PLEKHF2: variants seen among roughly 807,000 people sequenced by gnomAD.
The protein encoded by PLEKHF2 is pleckstrin homology and FYVE domain containing 2.
In PLEKHF2, 4 loss-of-function variants were observed where a neutral mutation model predicts 14.7. The ratio of observed to expected loss-of-function variants is 0.27; its 90% CI spans 0.13 to 0.62. The LOEUF (loss-of-function observed/expected upper bound fraction) is 0.62, where lower values mean the gene tolerates loss of function less well. Ranked by LOEUF, PLEKHF2 falls within the 20% of genes least tolerant of loss-of-function variation. The pLI, the probability that PLEKHF2 is intolerant of heterozygous loss-of-function variation, is 0.85. For missense variants in PLEKHF2, 201 were observed against 307.7 expected, an observed-to-expected ratio of 0.65 and a Z score of 2.60; for synonymous variants, 90 against 103.5, an observed-to-expected ratio of 0.87 and a Z score of 0.79.
intron 1 of PLEKHF2, among the ~76,000 whole-genome samples, chr8:95,147,003 T>G (rs1482550820): frequency 2.0e-5 from 3 of 152,052 alleles, no homozygotes; most frequent in African/African-American, 4.8e-5. Context: ...ATTTAAAAAG[T>G]GTAACTATCT....
intron 1 of PLEKHF2, among the ~76,000 whole-genome samples, chr8:95,136,329 TATATACACACAC>T (rs1167837472): frequency 2.1e-4 from 13 of 63,078 alleles, no homozygotes; most frequent in African/African-American, 7.4e-4. Context: ...GTTTTTATTA[TATATACACACAC>T]ACACACACAC....
chr8:95,145,961 CTGTT>C (rs1319509278), intron 1 of PLEKHF2, among the ~76,000 whole-genome samples: 1 of 152,142 alleles, frequency 6.6e-6, no homozygotes, highest in Non-Finnish European at 1.5e-5. Context: ...TAGTTTATTG[CTGTT>C]TGTTTTTACC....
intron 1 of PLEKHF2, among the ~76,000 whole-genome samples, chr8:95,139,714 C>G (rs143302057): frequency 6.6e-6 from 1 of 151,962 alleles, no homozygotes; most frequent in South Asian, 2.1e-4. Flanking sequence ...TGCCACACCC[C>G]CTCCACCCCC....
rs771184272 is a variant in PLEKHF2, at chr8:95,156,190, A to G, written c.*1396A>G. 5 of 167,086 alleles carry G rather than the reference A, an allele frequency of 3.0e-5. No homozygotes were observed. Among genetic ancestry groups the G allele is most frequent in the Admixed American group, 1.3e-4 (2 of 15,290 alleles). The allele number at this position is 167,086 out of a possible 1,614,324, so 10.4% of individuals were successfully genotyped here. A position where few individuals can be genotyped will look rare whatever the true frequency, so the allele number is the denominator to read the frequency against. The stretch of plus-strand genomic sequence containing the variant: ...TGCAAACAACTACAGTCTTTGAAAT[A>G]TGGAAAATCAGCAGTCTAAAGTTTG... On this transcript the variant is annotated 3_prime_UTR_variant, in exon 2 of 2. Transcript: ENST00000315367.
intron 1 of PLEKHF2, among the ~76,000 whole-genome samples, chr8:95,150,958 A>C (rs1024250786): frequency 2.6e-5 from 4 of 152,144 alleles, no homozygotes; most frequent in Admixed American, 6.6e-5. Flanking sequence ...TGGAGCTAAT[A>C]GTGCATGTAT....
In PLEKHF2 at chr8:95,154,978, A is replaced by T; in HGVS notation, c.*184A>T. ...CCCCCTGCCTTCTCCCACTCCTCAC[A>T]CTCTTCTACAGGGATAGGCTTTTGC... On this transcript the variant is annotated 3_prime_UTR_variant, in exon 2 of 2. Coordinates refer to ENST00000315367, the MANE Select transcript of PLEKHF2 (RefSeq NM_024613.4). This position sits in a 1 kb window ranked among gnomAD's most constrained non-coding sequence, Gnocchi z 5.6. 1 of 648,924 alleles carries T rather than the reference A, an allele frequency of 1.5e-6. No homozygotes were observed. Among genetic ancestry groups the T allele is most frequent in the South Asian group, 2.2e-5 (1 of 46,274 alleles). 40.2% of individuals were successfully genotyped at this position (648,924 alleles called of 1,614,324 possible).
At chr8:95,141,480 C>T (rs1810438429) in intron 1 of PLEKHF2, among the ~76,000 whole-genome samples, 1 of 152,042 alleles carries the variant, frequency 6.6e-6, no homozygotes. Context: ...CCCCCCTTTT[C>T]CCACTAAATA....
intron 1 of PLEKHF2, among the ~76,000 whole-genome samples, chr8:95,139,239 C>T (rs181451788): frequency 6.6e-6 from 1 of 152,114 alleles, no homozygotes; most frequent in Non-Finnish European, 1.5e-5. Context: ...TGCGGTGGCT[C>T]ACACCTGTAA....
chr8:95,145,722 C>T (rs1222909847), intron 1 of PLEKHF2, among the ~76,000 whole-genome samples: 1 of 152,170 alleles, frequency 6.6e-6, no homozygotes, highest in Non-Finnish European at 1.5e-5. Flanking sequence ...CTGCGCCTGG[C>T]CAAGTATTTC....
intron 1 of PLEKHF2, among the ~76,000 whole-genome samples, chr8:95,150,742 A>C (rs182154238): frequency 3.3e-5 from 5 of 152,280 alleles, no homozygotes; most frequent in Admixed American, 6.5e-5. Context: ...CCTTATCTTC[A>C]GTATTTTTAG....
intron 1 of PLEKHF2, among the ~76,000 whole-genome samples, chr8:95,135,850 C>T (rs1336325677): frequency 1.3e-5 from 2 of 152,078 alleles, no homozygotes; most frequent in Non-Finnish European, 2.9e-5. Flanking sequence ...ATCTCGTTTG[C>T]TCTTATCACT....
chr8:95,144,082 G>A (rs948349982), intron 1 of PLEKHF2, among the ~76,000 whole-genome samples: 1 of 151,482 alleles, frequency 6.6e-6, no homozygotes, highest in Non-Finnish European at 1.5e-5. Flanking sequence ...TAATGTTAGT[G>A]TATTTTATGT....
intron 1 of PLEKHF2, among the ~76,000 whole-genome samples, chr8:95,151,787 A>G (rs1319767525): frequency 6.6e-6 from 1 of 152,006 alleles, no homozygotes; most frequent in Non-Finnish European, 1.5e-5. Flanking sequence ...TACTTGTGGA[A>G]TGCTTGAATA....
intron 1 of PLEKHF2, among the ~76,000 whole-genome samples, chr8:95,137,227 C>T (rs1810385322): frequency 2.0e-5 from 3 of 152,184 alleles, no homozygotes. Context: ...GAGGGTCACC[C>T]AAGATTCGAT....
At chr8:95,138,138 T>TA (rs1266033678) in intron 1 of PLEKHF2, among the ~76,000 whole-genome samples, 2 of 152,160 alleles carry the variant, frequency 1.3e-5, no homozygotes, top group Admixed American at 6.5e-5. Context: ...TGGTGATCAT[T>TA]ACATACTTGT....
chr8:95,144,867 GAA>G (rs35770837), intron 1 of PLEKHF2, among the ~76,000 whole-genome samples: 20 of 65,108 alleles, frequency 3.1e-4, no homozygotes, highest in African/African-American at 1.1e-3. Flanking sequence ...TCTGTCTCAA[GAA>G]AAAAAAAAAA....
intron 1 of PLEKHF2, among the ~76,000 whole-genome samples, chr8:95,140,536 C>G (rs1375465282): frequency 6.6e-6 from 1 of 152,228 alleles, no homozygotes; most frequent in Non-Finnish European, 1.5e-5. Context: ...TGTCTCATCC[C>G]TATCTTACCA....
chr8:95,147,938 TTAA>T (rs1347398684), intron 1 of PLEKHF2, among the ~76,000 whole-genome samples: 20 of 152,024 alleles, frequency 1.3e-4, no homozygotes, highest in Admixed American at 3.3e-4. Flanking sequence ...GAAACAACAC[TTAA>T]TAATGATAGT....
Position 95,154,015 on chromosome 8 carries a change from T to C in PLEKHF2, c.-14-16T>C, listed in dbSNP as rs1001807139. 1 of 1,485,936 alleles carries C rather than the reference T, an allele frequency of 6.7e-7. No individual in the cohort carries two copies. The highest frequency in any genetic ancestry group is 1.5e-5 in the South Asian group (1 of 66,980). The allele number at this position is 1,485,936 out of a possible 1,614,324, so 92.0% of individuals were successfully genotyped here. ...ATAATTTATATGTGCTAATTTCTTT[T>C]TCTTTTTTTTAAAAGGCTATTAGTG... On this transcript the variant is annotated splice_polypyrimidine_tract_variant and intron_variant, in intron 1 of 1. Transcript: ENST00000315367. This position sits in a 1 kb window ranked among gnomAD's most constrained non-coding sequence, Gnocchi z 5.6.
Sources: gnomAD v4.1 joint callset for allele counts (sites outside exome capture counted in the v4.1 genomes callset) on GRCh38, gnomAD v4.1.1 for gene constraint, Gnocchi (gnomAD v3.1) non-coding constraint, MANE v1.5 for transcripts, NCBI Gene and HGNC (gene_info 2026-07-23, HGNC 2026-07-21) for gene names.